Variants in DPY19L4 observed in about 807,000 individuals in gnomAD.
The protein encoded by DPY19L4 is probable C-mannosyltransferase DPY19L4.
Under a neutral mutation model 102.8 loss-of-function variants are expected in DPY19L4, and 97 were observed. That is an observed-to-expected ratio of 0.94 (90% confidence interval 0.80 to 1.12). DPY19L4 has a LOEUF of 1.12. Among genes scored for constraint, DPY19L4 ranks in the 50% most tolerant of loss-of-function variants. The probability of loss-of-function intolerance (pLI) is 0.00; values close to 1 mark genes in which losing one functional copy is unlikely to be tolerated. For missense variants in DPY19L4, 815 were observed against 850.4 expected, an observed-to-expected ratio of 0.96 and a Z score of 0.52; for synonymous variants, 252 against 283.1, an observed-to-expected ratio of 0.89 and a Z score of 1.10.
At chr8:94,754,113 G>A (rs937248969) in intron 6 of DPY19L4, among the ~76,000 whole-genome samples, 1 of 152,180 alleles carries the variant, frequency 6.6e-6, no homozygotes, top group Non-Finnish European at 1.5e-5. Flanking sequence ...GAGCCTGGGA[G>A]GTCGAGGCTG....
intron 11 of DPY19L4, among the ~76,000 whole-genome samples, chr8:94,767,039 C>T (rs374494093): frequency 2.1e-4 from 31 of 150,266 alleles, no homozygotes; most frequent in East Asian, 1.2e-3. Flanking sequence ...CAGTGCACCC[C>T]AGCCTGGGCA....
chr8:94,780,226 A>G (rs1318500171), intron 14 of DPY19L4, 133 bp from the exon 15 acceptor site: 1 of 554,502 alleles, frequency 1.8e-6, no homozygotes, highest in Non-Finnish European at 2.8e-6. Flanking sequence ...ACTAGGTTCT[A>G]TGTTGACTTC....
At chr8:94,777,590 G>C in intron 13 of DPY19L4, 76 bp from the exon 14 acceptor site, 1 of 1,511,896 alleles carries the variant, frequency 6.6e-7, no homozygotes, top group South Asian at 1.3e-5. Context: ...TAGTAGGAAA[G>C]AGCTCAGAGA....
At chr8:94,727,574 T>C (rs1427204457) in intron 2 of DPY19L4, among the ~76,000 whole-genome samples, 1 of 152,030 alleles carries the variant, frequency 6.6e-6, no homozygotes, top group African/African-American at 2.4e-5. Context: ...TAAAACAAAA[T>C]CAGCAAAGGG....
At chr8:94,765,046 T>C in intron 8 of DPY19L4, 137 bp from the exon 9 acceptor site, 2 of 712,880 alleles carry the variant, frequency 2.8e-6, no homozygotes, top group East Asian at 6.7e-5. Flanking sequence ...AAATATTGAT[T>C]AAACATTTGC....
chr8:94,768,422 T>A lies in DPY19L4; in HGVS notation c.1203T>A (p.Cys401Ter), dbSNP rs753285878. 1.2e-6 allele frequency: 2 copies of A among 1,603,954 alleles called. No individual in the cohort carries two copies. Among genetic ancestry groups the A allele is most frequent in the Non-Finnish European group, 1.7e-6 (2 of 1,177,514 alleles). The stretch of plus-strand genomic sequence containing the variant: ...ATTTTACAATGAATTGGCTCCTCTG[T>A]CAAGAATCCCTGCAGGCACCATCTC... ...TKNFTMNWLLCQESLQAPSQD... is the reference protein window; with the variant it reads ...TKNFTMNWLL Residue 401 changes from cysteine to a stop codon, truncating the protein, a stop_gained, in exon 12 of 19, where the codon TGT (cysteine) becomes TGA (stop). Coordinates refer to ENST00000414645, the MANE Select transcript of DPY19L4 (RefSeq NM_181787.3). LOFTEE classifies it high-confidence loss of function.
chr8:94,758,785 A>C (rs1812274545), intron 7 of DPY19L4, among the ~76,000 whole-genome samples: 1 of 149,736 alleles, frequency 6.7e-6, no homozygotes, highest in African/African-American at 2.5e-5. Context: ...CCCAGGCTGG[A>C]GTACAGTGGG....
chr8:94,781,116 A>G lies in DPY19L4; in HGVS notation c.1665A>G (p.Glu555=), dbSNP rs1813413071. 2 of 1,595,802 alleles carry G rather than the reference A, an allele frequency of 1.3e-6. No individual in the cohort carries two copies. The highest frequency in any genetic ancestry group is 1.7e-4 in the Middle Eastern group (1 of 6,018). Residue 555 remains glutamate, a synonymous_variant, in exon 16 of 19, where the codon GAA becomes GAG. Coordinates refer to ENST00000414645, the MANE Select transcript of DPY19L4 (RefSeq NM_181787.3). ...CCAGATTAATGACAGAATTAATGGAACTACAGGAATTCTATGACCCAGATA... is the reference window on the plus strand; with the variant it reads ...CCAGATTAATGACAGAATTAATGGAGCTACAGGAATTCTATGACCCAGATA... The part of the protein sequence containing the change: ...FFPRLMTELM[E]LQEFYDPDTV...
At chr8:94,732,592 C>G (rs1239040339) in intron 2 of DPY19L4, among the ~76,000 whole-genome samples, 1 of 151,864 alleles carries the variant, frequency 6.6e-6, no homozygotes, top group Non-Finnish European at 1.5e-5. Context: ...TGTATGTGAT[C>G]TTTTAAAACA....
rs899105470 is a variant in DPY19L4, at chr8:94,728,920, G to A, written c.127+2479G>A. 3.3e-5 allele frequency among the ~76,000 whole-genome samples: 5 copies of A among 151,918 alleles called. No individual in the cohort carries two copies. In the South Asian group the frequency reaches 1.0e-3, roughly 32 times the overall value. On this transcript the variant is annotated intron_variant, in intron 2 of 18. Transcript: ENST00000414645. ...TTATTAACCAGGCATGGTGGCTCGC[G>A]CCAGTAATCCCAGCACTTTGGGAAG... is the stretch of plus-strand genomic sequence containing the variant.
At chr8:94,754,914 A>G (rs1456603508) in intron 6 of DPY19L4, among the ~76,000 whole-genome samples, 1 of 152,160 alleles carries the variant, frequency 6.6e-6, no homozygotes, top group South Asian at 2.1e-4. Context: ...TCAGCCTAAC[A>G]AGTAGCTGGT....
At chr8:94,734,593 A>C in intron 2 of DPY19L4, 37 bp from the exon 3 acceptor site, 1 of 1,578,804 alleles carries the variant, frequency 6.3e-7, no homozygotes, top group Non-Finnish European at 8.6e-7. Flanking sequence ...TCAAGGGTAC[A>C]TATTACCTTT....
chr8:94,738,270 G>A, intron 3 of DPY19L4, 99 bp from the exon 4 acceptor site: 1 of 367,096 alleles, frequency 2.7e-6, no homozygotes, highest in Non-Finnish European at 4.2e-6. Context: ...AGTGAGCCGA[G>A]ATCGCGCCAC....
At chr8:94,752,381 G>A (rs920038792) in intron 6 of DPY19L4, among the ~76,000 whole-genome samples, 46 of 151,674 alleles carry the variant, frequency 3.0e-4, no homozygotes, top group African/African-American at 6.1e-4. Flanking sequence ...TTAAGAGATC[G>A]AGGAGATCAT....
intron 6 of DPY19L4, 42 bp downstream of exon 6, chr8:94,739,832 G>T (rs150513785): frequency 6.2e-7 from 1 of 1,603,102 alleles, no homozygotes; most frequent in Non-Finnish European, 8.5e-7. Context: ...ACTTTTTGTG[G>T]CTGTAGTAGT....
chr8:94,781,274 A>G, intron 16 of DPY19L4, 108 bp downstream of exon 16: 2 of 1,043,984 alleles, frequency 1.9e-6, no homozygotes, highest in Non-Finnish European at 2.6e-6. Context: ...AAATTTTTTC[A>G]TAAAACTCAG....
At chr8:94,722,535 C>T (rs560496519) in intron 1 of DPY19L4, among the ~76,000 whole-genome samples, 6 of 152,288 alleles carry the variant, frequency 3.9e-5, no homozygotes, top group African/African-American at 1.4e-4. Flanking sequence ...CTTTATTCAA[C>T]ACATTTCTAA....
chr8:94,786,807 C>T (rs1192485041), intron 17 of DPY19L4, among the ~76,000 whole-genome samples: 3 of 152,158 alleles, frequency 2.0e-5, no homozygotes, highest in Non-Finnish European at 4.4e-5. Flanking sequence ...CTGGGTCTCC[C>T]AAAGTGCTGG....
intron 6 of DPY19L4, among the ~76,000 whole-genome samples, chr8:94,746,241 A>C (rs1422709866): frequency 1.3e-5 from 2 of 150,354 alleles, no homozygotes; most frequent in Non-Finnish European, 3.0e-5. Flanking sequence ...TTTGTATTTT[A>C]GTAGAGACAG....
Sources: allele counts gnomAD v4.1 joint callset (sites outside exome capture counted in the v4.1 genomes callset), GRCh38; gene constraint gnomAD v4.1.1; transcripts MANE v1.5; gene names NCBI Gene and HGNC (gene_info 2026-07-23, HGNC 2026-07-21).